DMD: variants seen among roughly 807,000 people sequenced by gnomAD.
DMD encodes the protein mutant dystrophin.
In DMD, 63 loss-of-function variants were observed where a neutral mutation model predicts 330.1. That is an observed-to-expected ratio of 0.19 (90% CI 0.16 to 0.24). DMD has a LOEUF of 0.24. Among genes scored for constraint, DMD ranks in the 10% least tolerant of loss-of-function variants. DMD has a pLI of 1.00. For synonymous variants in DMD, 1,223 were observed against 959.8 expected (o/e 1.27, Z -5.07); for missense variants, 3,344 against 2,684.1 (o/e 1.25, Z -5.43).
intron 2 of DMD, among the ~76,000 whole-genome samples, chrX:33,017,109 T>C (rs1023173391): frequency 1.8e-5 from 2 of 111,714 alleles, no homozygotes; most frequent in Non-Finnish European, 1.9e-5. Flanking sequence ...AGAAGACTTA[T>C]TTTAAAAAGA....
At chrX:32,381,919 C>T (rs767666329) in intron 33 of DMD, among the ~76,000 whole-genome samples, 1 of 110,703 alleles carries the variant, frequency 9.0e-6, no homozygotes, top group East Asian at 2.8e-4. Context: ...AGTGGACTCT[C>T]GACTTGAGTA....
intron 46 of DMD, among the ~76,000 whole-genome samples, chrX:31,931,854 A>ATG (rs1268080202): frequency 5.4e-5 from 6 of 110,206 alleles, no homozygotes; most frequent in Admixed American, 1.9e-4. Context: ...TAGATGCAAT[A>ATG]TGTGTGTGTG....
chrX:32,888,144 ATTTT>A (rs200855437), intron 2 of DMD, among the ~76,000 whole-genome samples: 6 of 102,750 alleles, frequency 5.8e-5, no homozygotes, highest in African/African-American at 1.1e-4. Context: ...CTGAATTTTT[ATTTT>A]TTATTTTTTT....
chrX:32,536,945 C>A (rs2048046002), intron 17 of DMD, among the ~76,000 whole-genome samples: 1 of 111,678 alleles, frequency 9.0e-6, no homozygotes, highest in South Asian at 3.7e-4. Flanking sequence ...AGATCAGAGG[C>A]AGAGAAATCA....
chrX:32,916,220 C>T (rs2087786558), intron 2 of DMD, among the ~76,000 whole-genome samples: 1 of 110,943 alleles, frequency 9.0e-6, no homozygotes, highest in African/African-American at 3.3e-5. Context: ...ATAGAACATG[C>T]TGAGGTTTAT....
Position 31,507,308 on chromosome X carries a change from T to G in DMD, c.8363A>C (p.Glu2788Ala). The stretch of plus-strand genomic sequence containing the variant: ...AATGTTGAGAGACTTTTTCCGAAGT[T>G]CACTCCACTTGAAGTTCATGTTATC... ...RLDNMNFKWS[E>A]LRKKSLNIRS... Residue 2788 changes from glutamate (E) to alanine (A), a missense_variant, in exon 56 of 79, where the codon GAA (glutamate) becomes GCA (alanine). Physicochemically the swap from Glu to Ala is moderately radical, Grantham distance 107. Transcript: ENST00000357033. 8.3e-7 allele frequency: 1 copy of G among 1,211,774 alleles called. No individual in the cohort carries two copies. The highest frequency in any genetic ancestry group is 1.8e-5 in the South Asian group (1 of 56,981).
chrX:32,901,667 T>G (rs1276453595), intron 2 of DMD, among the ~76,000 whole-genome samples: 1 of 111,077 alleles, frequency 9.0e-6, no homozygotes, highest in Admixed American at 9.6e-5. Context: ...TTTTAAAATT[T>G]TTCATAAAAT....
chrX:32,570,673 T>A (rs5928016), intron 15 of DMD, among the ~76,000 whole-genome samples: 8,099 of 111,375 alleles, frequency 0.073, 273 homozygotes, highest in African/African-American at 0.11. Context: ...CTGATACTAA[T>A]GTTGTAGGAT....
In DMD at chrX:33,191,487, G is replaced by A. The variant is rs1158872117; in HGVS notation, c.31+19795C>T. Among the ~76,000 whole-genome samples, 4 of 110,005 alleles carry A rather than the reference G, an allele frequency of 3.6e-5. No individual in the cohort carries two copies. In the East Asian group the frequency reaches 8.6e-4, roughly 24 times the overall value. On this transcript the variant is annotated intron_variant, in intron 1 of 78. Transcript: ENST00000357033. ...CACCTAGGCTGGAGTGCAGTGGCAC[G>A]AACTTGGCTCACTGCAACCTCTGCC...
At chrX:32,897,114 T>C (rs1456667912) in intron 2 of DMD, among the ~76,000 whole-genome samples, 1 of 111,589 alleles carries the variant, frequency 9.0e-6, no homozygotes, top group Non-Finnish European at 1.9e-5. Context: ...ATTTTGCCTA[T>C]TAAATATGCC....
At chrX:32,344,951 C>A (rs2097759141) in intron 39 of DMD, among the ~76,000 whole-genome samples, 1 of 111,552 alleles carries the variant, frequency 9.0e-6, no homozygotes, top group Non-Finnish European at 1.9e-5. Context: ...CTTCAGAACA[C>A]CTGCTGGCCA....
At chrX:31,136,279 T>C (rs184405706) in intron 76 of DMD, among the ~76,000 whole-genome samples, 82 of 111,621 alleles carry the variant, frequency 7.3e-4, no homozygotes, top group African/African-American at 2.3e-3. Flanking sequence ...CTCTCTCTCT[T>C]CCTCCCCCCT....
chrX:32,576,309 G>C (rs1332663714), intron 13 of DMD, among the ~76,000 whole-genome samples: 1 of 111,220 alleles, frequency 9.0e-6, no homozygotes, highest in African/African-American at 3.3e-5. Context: ...CCCAGCATGC[G>C]ATTTTTTTCT....
intron 44 of DMD, among the ~76,000 whole-genome samples, chrX:32,076,380 TTTC>T (rs199776146): frequency 0.034 from 3,195 of 94,425 alleles, 39 homozygotes; most frequent in Non-Finnish European, 0.049. Flanking sequence ...TTTTTCTTTC[TTTC>T]TTTTTTTTTT....
rs2098269032 is a variant in DMD at position 32,438,261 on chromosome X, A to G, written c.4051T>C (p.Trp1351Arg). Reference protein sequence around the residue: ...NEELETFNSRWRELHEEAVRR... With the variant: ...NEELETFNSRRRELHEEAVRR... ...CATACCTCTTCATGTAGTTCCCTCC[A>G]ACGAGAATTAAATGTCTCAAGTTCC... The change falls in exon 29 of 79, where the codon TGG (tryptophan) becomes CGG (arginine). Residue 1351 changes from tryptophan (W) to arginine (R), a missense_variant. Coordinates refer to ENST00000357033, the MANE Select transcript of DMD (RefSeq NM_004006.3). The G allele has an allele frequency of 1.7e-6, 2 of 1,211,272 alleles. No homozygotes were observed. The highest frequency in any genetic ancestry group is 1.1e-6 in the Non-Finnish European group (1 of 895,264).
At chrX:32,441,592 G>A (rs1603633553) in intron 27 of DMD, among the ~76,000 whole-genome samples, 2 of 111,045 alleles carry the variant, frequency 1.8e-5, no homozygotes, top group Admixed American at 1.9e-4. Context: ...ATTGCAGTCT[G>A]GGAAACAGAA....
intron 44 of DMD, among the ~76,000 whole-genome samples, chrX:32,119,694 T>A (rs749425578): frequency 4.3e-4 from 48 of 112,144 alleles, no homozygotes; most frequent in African/African-American, 1.4e-3. Context: ...TGTAGATGCA[T>A]AAAGCCCTAT....
chrX:32,684,956 A>G (rs2062744548), intron 9 of DMD, among the ~76,000 whole-genome samples: 1 of 111,953 alleles, frequency 8.9e-6, no homozygotes, highest in East Asian at 2.8e-4. Context: ...TAACCAATAC[A>G]TGATGCAAGA....
intron 52 of DMD, among the ~76,000 whole-genome samples, chrX:31,704,293 C>A (rs1377095105): frequency 9.0e-6 from 1 of 111,229 alleles, no homozygotes; most frequent in Non-Finnish European, 1.9e-5. Flanking sequence ...GTCAATTGCT[C>A]CCACTGTTTT....
Sources: gnomAD v4.1 joint callset for allele counts (sites outside exome capture counted in the v4.1 genomes callset) on GRCh38, gnomAD v4.1.1 for gene constraint, MANE v1.5 for transcripts, NCBI Gene and HGNC (gene_info 2026-07-23, HGNC 2026-07-21) for gene names.